Variants in PNLIPRP1 observed in about 807,000 individuals in gnomAD.
PNLIPRP1 encodes the protein pancreatic lipase related protein 1.
PNLIPRP1 carries 57 observed loss-of-function variants against 54.6 expected under a neutral mutation model. The observed-to-expected ratio is 1.04, with a 90% CI of 0.84 to 1.30. The LOEUF is 1.30. Among genes scored for constraint, PNLIPRP1 ranks in the 50% most tolerant of loss-of-function variants. The pLI is 0.00. For missense variants in PNLIPRP1, 567 were observed against 568.5 expected (o/e 1.00, Z 0.03); for synonymous variants, 232 against 208.8 (o/e 1.11, Z -0.96).
chr10:116,605,272 A>G (rs1041577129), intron 11 of PNLIPRP1, 114 bp from the exon 12 acceptor site: 2 of 585,008 alleles, frequency 3.4e-6, no homozygotes, highest in African/African-American at 1.9e-5. Context: ...TTATTTGGAA[A>G]TTAATTCGGA....
At position 116,591,051 on chromosome 10, in the gene PNLIPRP1, A is replaced by G. The variant is rs555636710; in HGVS notation, c.-1+56A>G. 315 of 1,083,982 alleles carry G rather than the reference A, an allele frequency of 2.9e-4. 3 individuals carry two copies. In the South Asian group the frequency reaches 3.9e-3, roughly 13 times the overall value. 67.1% of individuals were successfully genotyped at this position (1,083,982 alleles called of 1,614,324 possible). Reference sequence around the variant, plus strand: ...GCTGTGACGTACAGGTGAGGTAAACAGTACTGAAGTCCAGGGCGTCGGTGC... The same window carrying G: ...GCTGTGACGTACAGGTGAGGTAAACGGTACTGAAGTCCAGGGCGTCGGTGC... On this transcript the variant is annotated intron_variant, in intron 1 of 12. Transcript: ENST00000358834.
intron 8 of PNLIPRP1, among the ~76,000 whole-genome samples, chr10:116,598,562 G>A (rs547419905): frequency 1.4e-4 from 22 of 152,324 alleles, no homozygotes; most frequent in African/African-American, 5.3e-4. Flanking sequence ...TCAAAATGAT[G>A]TAATCAGCTC....
chr10:116,592,572 C>A (rs782295527), intron 4 of PNLIPRP1, 31 bp downstream of exon 4: 11 of 1,613,230 alleles, frequency 6.8e-6, no homozygotes, highest in Non-Finnish European at 9.3e-6. Context: ...CTGTGGCCAG[C>A]TGAGGCCAAC....
Position 116,590,976 on chromosome 10 carries a change from C to A in PNLIPRP1, c.-20C>A. On this transcript the variant is annotated 5_prime_UTR_variant, in exon 1 of 13. Coordinates refer to ENST00000358834, the MANE Select transcript of PNLIPRP1 (RefSeq NM_006229.4). ...GGACACTCGATCCGGTGGGAGGGAA[C>A]ATCTGGAACATTAGACAGGGTAAGC... is the stretch of plus-strand genomic sequence containing the variant. 5 of 601,544 alleles carry A rather than the reference C, an allele frequency of 8.3e-6. No homozygotes were observed. In the Admixed American group the frequency reaches 1.4e-4, roughly 16 times the overall value. The allele number at this position is 601,544 out of a possible 1,614,324, so 37.3% of individuals were successfully genotyped here. A position where few individuals can be genotyped will look rare whatever the true frequency, so the allele number is the denominator to read the frequency against.
chr10:116,606,985 A>T (rs1022266944), intron 12 of PNLIPRP1, among the ~76,000 whole-genome samples: 2 of 152,022 alleles, frequency 1.3e-5, no homozygotes, highest in Admixed American at 1.3e-4. Flanking sequence ...TGAATTACTC[A>T]AACATTTTCC....
At chr10:116,595,849 G>A (rs1554863878) in intron 5 of PNLIPRP1, 1 of 188,964 alleles carries the variant, frequency 5.3e-6, no homozygotes, top group Non-Finnish European at 1.1e-5. Context: ...GTGGGGAAAG[G>A]GCTTAAGGAG....
intron 10 of PNLIPRP1, among the ~76,000 whole-genome samples, chr10:116,602,016 ATTT>A (rs58771473): frequency 4.3e-5 from 6 of 138,074 alleles, no homozygotes; most frequent in Admixed American, 7.3e-5. Flanking sequence ...TCACTCTGTA[ATTT>A]TTTTTTTTTT....
At chr10:116,602,570 C>T (rs184276699) in intron 10 of PNLIPRP1, among the ~76,000 whole-genome samples, 11 of 152,276 alleles carry the variant, frequency 7.2e-5, no homozygotes, top group African/African-American at 2.4e-4. Context: ...CAACTACAAG[C>T]GTGTTGGGCT....
At chr10:116,592,239 G>T in intron 3 of PNLIPRP1, 177 bp from the exon 4 acceptor site, 1 of 707,936 alleles carries the variant, frequency 1.4e-6, no homozygotes, top group Non-Finnish European at 2.3e-6. Flanking sequence ...TGGAAGCAGT[G>T]ATTACTCACC....
intron 9 of PNLIPRP1, 98 bp from the exon 10 acceptor site, chr10:116,600,974 C>T (rs574686089): frequency 9.1e-5 from 102 of 1,117,356 alleles, no homozygotes; most frequent in Admixed American, 6.0e-4. Flanking sequence ...CAAAGGAGAA[C>T]GCTTAGGCTG....
In PNLIPRP1 at chr10:116,598,158, T is replaced by A; in HGVS notation, c.806T>A (p.Ile269Asn). The part of the protein sequence containing the change: ...ALSQIVDLDG[I>N]WAGTRDFVAC... ...TCTCAGATCGTGGATCTAGATGGCA[T>A]CTGGGCGGGTAAAGTCATGGTGGGG... Residue 269 changes from isoleucine to asparagine, a missense_variant, in exon 8 of 13, where the codon ATC becomes AAC. Physicochemically the swap from Ile to Asn is moderately radical, Grantham distance 149. Coordinates refer to ENST00000358834, the MANE Select transcript of PNLIPRP1 (RefSeq NM_006229.4). 6.2e-7 allele frequency: 1 copy of A among 1,613,478 alleles called. No homozygotes were observed. The highest frequency in any genetic ancestry group is 8.5e-7 in the Non-Finnish European group (1 of 1,179,776).
At chr10:116,602,586 G>C (rs1156637303) in intron 10 of PNLIPRP1, among the ~76,000 whole-genome samples, 2 of 152,214 alleles carry the variant, frequency 1.3e-5, no homozygotes, top group East Asian at 3.9e-4. Flanking sequence ...GGGCTTGGTG[G>C]CTGTTGCCAT....
intron 12 of PNLIPRP1, among the ~76,000 whole-genome samples, 181 bp downstream of exon 12, chr10:116,605,734 C>T (rs1847926418): frequency 6.6e-6 from 1 of 152,122 alleles, no homozygotes; most frequent in Non-Finnish European, 1.5e-5. Flanking sequence ...GTTGGGTGCA[C>T]CTTATTGGGT....
intron 10 of PNLIPRP1, 47 bp from the exon 11 acceptor site, chr10:116,603,983 A>T: frequency 8.9e-7 from 1 of 1,120,124 alleles, no homozygotes; most frequent in Non-Finnish European, 1.3e-6. Flanking sequence ...GATGTAGGCT[A>T]CTTATTTTGT....
Position 116,598,128 on chromosome 10 carries a change from C to A in PNLIPRP1, c.776C>A (p.Ala259Asp). ...GESMPGCKKN[A>D]LSQIVDLDGI... ...AGCATGCCGGGATGCAAGAAGAATG[C>A]CCTGTCTCAGATCGTGGATCTAGAT... Residue 259 changes from alanine (A) to aspartate (D), a missense_variant, in exon 8 of 13, where the codon GCC (alanine) becomes GAC (aspartate). Physicochemically the swap from Ala to Asp is moderately radical, Grantham distance 126 (BLOSUM62 -2). Coordinates refer to ENST00000358834, the MANE Select transcript of PNLIPRP1 (RefSeq NM_006229.4). 1 of 1,614,022 alleles carries A rather than the reference C, an allele frequency of 6.2e-7. No individual in the cohort carries two copies. The highest frequency in any genetic ancestry group is 8.5e-7 in the Non-Finnish European group (1 of 1,179,972).
chr10:116,608,644 A>G (rs376087933), intron 12 of PNLIPRP1, among the ~76,000 whole-genome samples: 1 of 152,256 alleles, frequency 6.6e-6, no homozygotes, highest in Non-Finnish European at 1.5e-5. Context: ...AAGCAGCATA[A>G]TTGGCTGCAG....
intron 10 of PNLIPRP1, among the ~76,000 whole-genome samples, chr10:116,602,206 A>T (rs1341306041): frequency 2.0e-5 from 3 of 152,002 alleles, no homozygotes; most frequent in Non-Finnish European, 4.4e-5. Context: ...TTTTTAGTAG[A>T]GACGGGGTTT....
chr10:116,597,317 T>C (rs1847753735), intron 6 of PNLIPRP1, among the ~76,000 whole-genome samples: 1 of 152,122 alleles, frequency 6.6e-6, no homozygotes, highest in South Asian at 2.1e-4. Context: ...CCATATCAAA[T>C]AGATGCCATT....
In PNLIPRP1 at chr10:116,597,947, G is replaced by C; in HGVS notation, c.694G>C (p.Gly232Arg). Residue 232 changes from glycine (G) to arginine (R), a missense_variant and splice_region_variant, in exon 7 of 13, where the codon GGT becomes CGT. By Grantham distance (125) the Gly-to-Arg change is moderately radical. Coordinates refer to ENST00000358834, the MANE Select transcript of PNLIPRP1 (RefSeq NM_006229.4). ...TDAAPLIPFLGFGTNQQMGHL... is the reference protein window; with the variant it reads ...TDAAPLIPFLRFGTNQQMGHL... ...TGCAGCTCCCCTGATCCCATTCTTGGGTGAGACCTATGATGCTCCAGCTGT... is the reference window on the plus strand; with the variant it reads ...TGCAGCTCCCCTGATCCCATTCTTGCGTGAGACCTATGATGCTCCAGCTGT... The C allele has an allele frequency of 2.5e-6, 4 of 1,614,138 alleles. No individual in the cohort carries two copies. The highest frequency in any genetic ancestry group is 3.4e-6 in the Non-Finnish European group (4 of 1,180,022).
Sources: allele counts gnomAD v4.1 joint callset (sites outside exome capture counted in the v4.1 genomes callset), GRCh38; gene constraint gnomAD v4.1.1; transcripts MANE v1.5; gene names NCBI Gene and HGNC (gene_info 2026-07-23, HGNC 2026-07-21).